Variants in ITPK1 observed in about 807,000 individuals in gnomAD.
The protein encoded by ITPK1 is inositol 1,3,4-trisphosphate 5/6-kinase.
In ITPK1, 21 loss-of-function variants were observed where a neutral mutation model predicts 45.3. The observed-to-expected ratio is 0.46, with a 90% confidence interval of 0.33 to 0.67. The LOEUF (loss-of-function observed/expected upper bound fraction) is 0.67, where lower values mean the gene tolerates loss of function less well. Among genes scored for constraint, ITPK1 ranks in the 30% least tolerant of loss-of-function variants. The pLI is 0.02. For missense variants in ITPK1, 474 were observed against 573.5 expected (o/e 0.83, Z 1.77); for synonymous variants, 258 against 253.6 (o/e 1.02, Z -0.16).
intron 2 of ITPK1, among the ~76,000 whole-genome samples, chr14:93,095,111 C>T (rs1383491850): frequency 6.6e-6 from 1 of 152,192 alleles, no homozygotes. Context: ...ACCAACTGGG[C>T]TCCCGGGGTG....
At chr14:93,039,512 C>T (rs1383817124) in intron 3 of ITPK1, among the ~76,000 whole-genome samples, 3 of 152,204 alleles carry the variant, frequency 2.0e-5, no homozygotes, top group East Asian at 1.9e-4. Context: ...CCTCCTCTTC[C>T]ACCCTGTGCC....
intron 2 of ITPK1, among the ~76,000 whole-genome samples, chr14:93,105,623 G>A (rs1418827398): frequency 3.4e-5 from 5 of 148,880 alleles, no homozygotes; most frequent in African/African-American, 1.2e-4. Context: ...CTGAGTTCAA[G>A]CGATTCTCCC....
chr14:92,962,643 A>G, intron 6 of ITPK1, 108 bp downstream of exon 6: 1 of 899,546 alleles, frequency 1.1e-6, no homozygotes, highest in South Asian at 1.3e-5. Flanking sequence ...GTGCTCATCC[A>G]TCCTCGGGTG....
intron 2 of ITPK1, among the ~76,000 whole-genome samples, chr14:93,092,895 C>T (rs995311712): frequency 1.3e-5 from 2 of 152,198 alleles, no homozygotes; most frequent in African/African-American, 2.4e-5. Context: ...TCCCCTGCCT[C>T]AGCCGAACCC....
chr14:92,962,971 C>T, intron 5 of ITPK1, 122 bp from the exon 6 acceptor site: 2 of 613,694 alleles, frequency 3.3e-6, no homozygotes, highest in Non-Finnish European at 2.9e-6. Flanking sequence ...ATCTGACCGT[C>T]CCCAACCTCT....
intron 5 of ITPK1, among the ~76,000 whole-genome samples, chr14:92,991,084 A>T (rs992808326): frequency 6.6e-6 from 1 of 152,186 alleles, no homozygotes; most frequent in Admixed American, 6.5e-5. Flanking sequence ...CCAGCACAAA[A>T]GCGTGTCACT....
intron 3 of ITPK1, among the ~76,000 whole-genome samples, chr14:93,075,970 A>T (rs978672909): frequency 6.6e-6 from 1 of 152,048 alleles, no homozygotes; most frequent in Non-Finnish European, 1.5e-5. Context: ...TGCAAATAAC[A>T]CAGCCTGCCC....
At chr14:93,027,526 T>C (rs1472686210) in intron 3 of ITPK1, among the ~76,000 whole-genome samples, 1 of 152,076 alleles carries the variant, frequency 6.6e-6, no homozygotes, top group Non-Finnish European at 1.5e-5. Flanking sequence ...CAGCTAATGA[T>C]GAAGGAGCTG....
At chr14:93,048,536 C>T (rs111350291) in intron 3 of ITPK1, among the ~76,000 whole-genome samples, 2 of 152,212 alleles carry the variant, frequency 1.3e-5, no homozygotes, top group African/African-American at 4.8e-5. Context: ...CCTTTGTCCA[C>T]GTGCCTGTCG....
intron 5 of ITPK1, among the ~76,000 whole-genome samples, chr14:92,973,128 G>T (rs527437337): frequency 3.3e-5 from 5 of 152,284 alleles, no homozygotes; most frequent in African/African-American, 7.2e-5. Context: ...CGTCTTTCTA[G>T]TACTTTTTCT....
intron 3 of ITPK1, among the ~76,000 whole-genome samples, chr14:93,075,696 A>G (rs1489220820): frequency 1.3e-5 from 2 of 152,188 alleles, no homozygotes; most frequent in Non-Finnish European, 2.9e-5. Context: ...GGTGGGCTGG[A>G]AGAGCTCCCC....
intron 4 of ITPK1, among the ~76,000 whole-genome samples, chr14:92,995,700 C>T (rs553080609): frequency 6.6e-6 from 1 of 152,226 alleles, no homozygotes; most frequent in Non-Finnish European, 1.5e-5. Context: ...GGGGCAGAAC[C>T]CTCCAGCCGT....
Position 92,940,775 on chromosome 14 carries a change from A to T in ITPK1, c.*786T>A. On this transcript the variant is annotated 3_prime_UTR_variant, in exon 11 of 11. Coordinates refer to ENST00000267615, the MANE Select transcript of ITPK1 (RefSeq NM_014216.6). Reference sequence around the variant, plus strand: ...TGCCCAAATCACAGCACAAATCCTCAGCACAGGCGCCATCGGCTCGGGCCT... The same window carrying T: ...TGCCCAAATCACAGCACAAATCCTCTGCACAGGCGCCATCGGCTCGGGCCT... The T allele has an allele frequency of 5.4e-6, 7 of 1,289,154 alleles. No homozygotes were observed. The highest frequency in any genetic ancestry group is 7.1e-6 in the Non-Finnish European group (7 of 988,734). 79.9% of individuals were successfully genotyped at this position (1,289,154 alleles called of 1,614,324 possible). A position where few individuals can be genotyped will look rare whatever the true frequency, so the allele number is the denominator to read the frequency against.
At chr14:92,972,881 G>A (rs974423428) in intron 5 of ITPK1, among the ~76,000 whole-genome samples, 8 of 152,146 alleles carry the variant, frequency 5.3e-5, no homozygotes, top group Non-Finnish European at 1.0e-4. Flanking sequence ...ATGAGCCACC[G>A]CGCCCAACTC....
chr14:93,084,898 A>G (rs1891587341), intron 2 of ITPK1, among the ~76,000 whole-genome samples: 1 of 152,080 alleles, frequency 6.6e-6, no homozygotes. Flanking sequence ...CCTCATCAAG[A>G]GGCAGGAATA....
intron 3 of ITPK1, among the ~76,000 whole-genome samples, chr14:93,020,221 C>A (rs1160274187): frequency 6.6e-6 from 1 of 152,190 alleles, no homozygotes; most frequent in Non-Finnish European, 1.5e-5. Context: ...CCCAGTGGCC[C>A]CAGAGTCCTC....
chr14:92,963,166 C>G (rs3818175), intron 5 of ITPK1, among the ~76,000 whole-genome samples: 70,649 of 152,114 alleles, frequency 0.46, 17,475 homozygotes, highest in East Asian at 0.76. Context: ...TGGACTTTTA[C>G]CCACGCGTAC....
At chr14:93,011,848 A>G (rs1887926265) in intron 4 of ITPK1, among the ~76,000 whole-genome samples, 1 of 152,064 alleles carries the variant, frequency 6.6e-6, no homozygotes, top group Non-Finnish European at 1.5e-5. Flanking sequence ...TCTCTTGCCA[A>G]TTATATCTGA....
chr14:92,969,404 G>A (rs1035459997), intron 5 of ITPK1, among the ~76,000 whole-genome samples: 6 of 152,036 alleles, frequency 3.9e-5, no homozygotes, highest in African/African-American at 7.3e-5. Flanking sequence ...GTGGGGAGGC[G>A]CCAACGAGGC....
Sources: gnomAD v4.1 joint callset for allele counts (sites outside exome capture counted in the v4.1 genomes callset) on GRCh38, gnomAD v4.1.1 for gene constraint, MANE v1.5 for transcripts, NCBI Gene and HGNC (gene_info 2026-07-23, HGNC 2026-07-21) for gene names.